The following PRKCZ variants were observed in gnomAD, a reference collection of about 807,000 sequenced individuals.
PRKCZ encodes the protein protein kinase C zeta.
PRKCZ carries 33 observed loss-of-function variants against 79.5 expected under a neutral mutation model. The observed-to-expected ratio is 0.41, with a 90% CI of 0.31 to 0.55. PRKCZ has a LOEUF of 0.55. PRKCZ is among the 20% of genes least tolerant of loss of function. The pLI is 0.19. For synonymous variants in PRKCZ, 342 were observed against 320.9 expected, an observed-to-expected ratio of 1.07 and a Z score of -0.70; for missense variants, 578 against 813.5, an observed-to-expected ratio of 0.71 and a Z score of 3.52.
At chr1:2,135,775 C>G (rs1676071692) in intron 5 of PRKCZ, among the ~76,000 whole-genome samples, 1 of 152,250 alleles carries the variant, frequency 6.6e-6, no homozygotes, top group South Asian at 2.1e-4. Flanking sequence ...TCAGCCCCAT[C>G]CCTGCTTGGG....
In PRKCZ at chr1:2,095,890, TTCCCCTCCCCTCCTC is replaced by T. The variant is rs756725775; in HGVS notation, c.334+36308_334+36322del. Among the ~76,000 whole-genome samples the T allele has an allele frequency of 1.0e-2, 590 of 59,170 alleles. 13 individuals are homozygous for T. In the East Asian group the frequency reaches 0.13, roughly 13 times the overall value. The allele number at this position is 59,170 out of a possible 152,430, so 38.8% of individuals were successfully genotyped here. A position where few individuals can be genotyped will look rare whatever the true frequency, so the allele number is the denominator to read the frequency against. On this transcript the variant is annotated intron_variant, in intron 4 of 17. Transcript: ENST00000378567. ...TTCTTTTCCTTTCCCCTCCCCTCCT[TTCCCCTCCCCTCCTC>T]TCCCCTCCTCTCCCCTCCCTTCCCC...
At chr1:2,083,190 G>A (rs1278801388) in intron 4 of PRKCZ, among the ~76,000 whole-genome samples, 2 of 152,088 alleles carry the variant, frequency 1.3e-5, no homozygotes, top group Non-Finnish European at 2.9e-5. Context: ...GGGATTTTAC[G>A]GGAGGAGGGG....
intron 4 of PRKCZ, among the ~76,000 whole-genome samples, chr1:2,104,501 G>A (rs1158383142): frequency 1.3e-5 from 2 of 152,138 alleles, no homozygotes; most frequent in Non-Finnish European, 2.9e-5. Context: ...AGAGGAGTGA[G>A]GGGACAGACA....
chr1:2,170,925 G>A (rs1274078386), intron 11 of PRKCZ, among the ~76,000 whole-genome samples: 1 of 152,220 alleles, frequency 6.6e-6, no homozygotes, highest in East Asian at 1.9e-4. Flanking sequence ...TCCACATGTT[G>A]GCCATGGTGA....
At chr1:2,113,459 G>A (rs918498495) in intron 4 of PRKCZ, among the ~76,000 whole-genome samples, 1 of 152,136 alleles carries the variant, frequency 6.6e-6, no homozygotes, top group African/African-American at 2.4e-5. Context: ...CAGGGCAGGT[G>A]GAAGCCAGCA....
chr1:2,143,959 G>C lies in PRKCZ; in HGVS notation c.421-251G>C, dbSNP rs908620137. 6.5e-6 allele frequency: 3 copies of C among 459,308 alleles called. No homozygotes were observed. The South Asian group carries it at 8.5e-5, about 13-fold the overall frequency. 28.5% of individuals were successfully genotyped at this position (459,308 alleles called of 1,614,324 possible). On this transcript the variant is annotated intron_variant, in intron 5 of 17. Coordinates refer to ENST00000378567, the MANE Select transcript of PRKCZ (RefSeq NM_002744.6). ...ACCCCTGCCCGATGGCACCTCCCCTGTGTCCCCTCATGCAGAGCAGGGTTC... is the reference window on the plus strand; with the variant it reads ...ACCCCTGCCCGATGGCACCTCCCCTCTGTCCCCTCATGCAGAGCAGGGTTC...
intron 4 of PRKCZ, chr1:2,111,776 T>C (rs1669788241): frequency 6.6e-6 from 1 of 152,296 alleles, no homozygotes; most frequent in South Asian, 2.1e-4. Context: ...CACCCTTGTT[T>C]CTTGCCCTTT....
chr1:2,093,875 C>T (rs1047120137), intron 4 of PRKCZ, among the ~76,000 whole-genome samples: 5 of 152,138 alleles, frequency 3.3e-5, no homozygotes, highest in Non-Finnish European at 4.4e-5. Flanking sequence ...ATCCCCGCGT[C>T]GACGTGGAGG....
rs759025353 is a variant in PRKCZ at position 2,165,548 on chromosome 1, G to A, written c.975-3970G>A. On this transcript the variant is annotated intron_variant, in intron 10 of 17. Transcript: ENST00000378567. The surrounding 1 kb of genome is among the most constrained non-coding windows in gnomAD (Gnocchi z 4.1). ...TTACTGAGGGCCACACCAGCGGTCA[G>A]CAAAGGTTGTCTTAAAGGGTCAGGC... Among the ~76,000 whole-genome samples the A allele has an allele frequency of 1.3e-5, 2 of 152,252 alleles. No individual in the cohort carries two copies. The highest frequency in any genetic ancestry group is 2.4e-5 in the African/African-American group (1 of 41,468).
At chr1:2,096,468 G>C (rs547075979) in intron 4 of PRKCZ, among the ~76,000 whole-genome samples, 23 of 152,222 alleles carry the variant, frequency 1.5e-4, no homozygotes, top group Non-Finnish European at 3.1e-4. Flanking sequence ...GAACGCGGTT[G>C]TACGGACTTC....
At chr1:2,161,886 G>A (rs546396848) in intron 10 of PRKCZ, among the ~76,000 whole-genome samples, 12 of 152,086 alleles carry the variant, frequency 7.9e-5, no homozygotes, top group African/African-American at 2.9e-4. Context: ...GACCGGTCCT[G>A]AAATTGTGCC....
At chr1:2,081,177 C>G (rs996985491) in intron 4 of PRKCZ, among the ~76,000 whole-genome samples, 1 of 152,262 alleles carries the variant, frequency 6.6e-6, no homozygotes, top group Admixed American at 6.5e-5. Flanking sequence ...TACGTCTGTT[C>G]TCCCATTGGT....
chr1:2,073,938 G>C (rs1661898257), intron 4 of PRKCZ: 2 of 1,351,778 alleles, frequency 1.5e-6, no homozygotes, highest in Non-Finnish European at 1.9e-6. Context: ...CGGTGAGTCG[G>C]GGGCATCTCC....
At chr1:2,051,331 T>C (rs1360117174) in intron 1 of PRKCZ, among the ~76,000 whole-genome samples, 2 of 152,178 alleles carry the variant, frequency 1.3e-5, no homozygotes, top group Admixed American at 6.5e-5. Flanking sequence ...TCCTGGACTC[T>C]TGGCCGCCGC....
chr1:2,136,646 T>C (rs1388797129), intron 5 of PRKCZ, among the ~76,000 whole-genome samples: 1 of 151,994 alleles, frequency 6.6e-6, no homozygotes, highest in African/African-American at 2.4e-5. Context: ...AACAGGCAGT[T>C]TGGCTCAGGC....
intron 4 of PRKCZ, among the ~76,000 whole-genome samples, chr1:2,092,959 C>T (rs1032826517): frequency 1.3e-5 from 2 of 152,212 alleles, no homozygotes; most frequent in African/African-American, 2.4e-5. Flanking sequence ...TCGGGCCCTG[C>T]CTCAGTTGCC....
At chr1:2,169,652 TG>T in intron 11 of PRKCZ, 48 bp downstream of exon 11, 1 of 767,968 alleles carries the variant, frequency 1.3e-6, no homozygotes, top group South Asian at 2.5e-5. Flanking sequence ...GAGTTGGGGA[TG>T]GGTGGGTGCG....
chr1:2,148,770 T>A, intron 7 of PRKCZ, 102 bp from the exon 8 acceptor site: 2 of 1,188,466 alleles, frequency 1.7e-6, no homozygotes, highest in Non-Finnish European at 2.4e-6. Context: ...GATTCACCCT[T>A]CACCGTCACC....
intron 10 of PRKCZ, among the ~76,000 whole-genome samples, chr1:2,163,382 C>G (rs532925793): frequency 2.5e-4 from 38 of 152,326 alleles, no homozygotes; most frequent in Admixed American, 2.2e-3. Flanking sequence ...ACGGACCCTC[C>G]CAGTTCCTGG....
Sources: allele counts gnomAD v4.1 joint callset (sites outside exome capture counted in the v4.1 genomes callset), GRCh38; gene constraint gnomAD v4.1.1; non-coding constraint Gnocchi (gnomAD v3.1); transcripts MANE v1.5; gene names NCBI Gene and HGNC (gene_info 2026-07-23, HGNC 2026-07-21).